The following DRC7 variants were observed in gnomAD, a reference collection of about 807,000 sequenced individuals.
DRC7 encodes coiled-coil domain containing 135.
Under a neutral mutation model 104.4 loss-of-function variants are expected in DRC7, and 80 were observed. The ratio of observed to expected loss-of-function variants is 0.77; its 90% CI spans 0.64 to 0.92. The LOEUF is 0.92. Among genes scored for constraint, DRC7 ranks in the 40% least tolerant of loss-of-function variants. The pLI, the probability that DRC7 is intolerant of heterozygous loss-of-function variation, is 0.00. For synonymous variants in DRC7, 405 were observed against 447.3 expected (o/e 0.91, Z 1.19); for missense variants, 1,034 against 1,141.1 (o/e 0.91, Z 1.35).
intron 7 of DRC7, 25 bp from the exon 8 acceptor site, chr16:57,707,435 G>T: frequency 6.3e-7 from 1 of 1,599,968 alleles, no homozygotes; most frequent in South Asian, 1.1e-5. Context: ...CATCTGACTC[G>T]TAGTCACCCA....
At chr16:57,728,310 T>G (rs1365422905) in intron 16 of DRC7, 80 bp from the exon 17 acceptor site, 1 of 1,374,938 alleles carries the variant, frequency 7.3e-7, no homozygotes, top group Non-Finnish European at 9.8e-7. Context: ...GGCTTTGTGC[T>G]GGCACACTGC....
intron 4 of DRC7, 124 bp from the exon 5 acceptor site, chr16:57,700,021 G>A (rs2048639979): frequency 2.7e-6 from 3 of 1,122,574 alleles, no homozygotes; most frequent in African/African-American, 1.5e-5. Flanking sequence ...CAGGTCATGT[G>A]GGCCTGGCCT....
chr16:57,730,928 C>T lies in DRC7; in HGVS notation c.2392-3C>T. 1 of 1,612,952 alleles carries T rather than the reference C, an allele frequency of 6.2e-7. No individual in the cohort carries two copies. Among genetic ancestry groups the T allele is most frequent in the Non-Finnish European group, 8.5e-7 (1 of 1,179,738 alleles). ...TCCTTCTCTGTCTGCCCTATGACCA[C>T]AGGAGACCCAGGAGCTGCAAAAGAA... On this transcript the variant is annotated splice_polypyrimidine_tract_variant and splice_region_variant and intron_variant, in intron 17 of 18. Transcript: ENST00000360716.
intron 7 of DRC7, among the ~76,000 whole-genome samples, chr16:57,705,568 C>A (rs1256453647): frequency 6.7e-6 from 1 of 148,558 alleles, no homozygotes; most frequent in Non-Finnish European, 1.5e-5. Context: ...TCCCACCCAC[C>A]TCCCATCCAT....
At chr16:57,706,720 T>TC (rs1323364024) in intron 7 of DRC7, among the ~76,000 whole-genome samples, 1 of 109,002 alleles carries the variant, frequency 9.2e-6, no homozygotes, top group Non-Finnish European at 2.0e-5. Context: ...CTCCCATCCG[T>TC]CCATCCTCCC....
chr16:57,700,926 T>G (rs2148732101), intron 5 of DRC7, among the ~76,000 whole-genome samples: 1 of 152,310 alleles, frequency 6.6e-6, no homozygotes, highest in Admixed American at 6.5e-5. Context: ...AGCATTTTAT[T>G]GCAACCCACA....
At position 57,730,952 on chromosome 16, in the gene DRC7, A is replaced by C. The variant is rs190225489; in HGVS notation, c.2413A>C (p.Lys805Gln). ...ACAGGAGACCCAGGAGCTGCAAAAG[A>C]AGCAGCAGTGGTACCAGGAGAACCA... ...FEKETQELQK[K>Q]QQWYQENQVT... The change falls in exon 18 of 19, where the codon AAG (lysine) becomes CAG (glutamine). Residue 805 changes from lysine to glutamine, a missense_variant. Transcript: ENST00000360716. 4.2e-4 allele frequency: 683 copies of C among 1,613,434 alleles called. 5 individuals are homozygous for C. In the South Asian group the frequency reaches 5.2e-3, roughly 12 times the overall value.
At chr16:57,715,236 G>C (rs918444703) in intron 8 of DRC7, among the ~76,000 whole-genome samples, 1 of 152,116 alleles carries the variant, frequency 6.6e-6, no homozygotes, top group Non-Finnish European at 1.5e-5. Flanking sequence ...TTTTAGTAGA[G>C]ACAGGGTTTC....
In DRC7 at chr16:57,702,139, G is replaced by A. The variant is rs372050870; in HGVS notation, c.699+9G>A. The stretch of plus-strand genomic sequence containing the variant: ...CTGTGAAGCCCAAGGAGGTATGGTC[G>A]GGCTTGAGCTGCCCGGGTTTCCCAA... On this transcript the variant is annotated intron_variant, in intron 6 of 18. Coordinates refer to ENST00000360716, the MANE Select transcript of DRC7 (RefSeq NM_001289162.2). 9.4e-5 allele frequency: 151 copies of A among 1,613,056 alleles called. 1 individual carries two copies. Among genetic ancestry groups the A allele is most frequent in the Non-Finnish European group, 1.0e-4 (118 of 1,179,492 alleles).
At chr16:57,722,864 T>C (rs1378968541) in intron 11 of DRC7, 23 bp downstream of exon 11, 3 of 1,613,464 alleles carry the variant, frequency 1.9e-6, no homozygotes, top group Non-Finnish European at 1.7e-6. Context: ...GCTCTGGACA[T>C]GGGTCCAGGC....
intron 1 of DRC7, among the ~76,000 whole-genome samples, chr16:57,695,369 G>A (rs895549039): frequency 6.6e-6 from 1 of 152,082 alleles, no homozygotes; most frequent in African/African-American, 2.4e-5. Context: ...CTTAAGCAGT[G>A]CACTTAACTT....
At chr16:57,705,699 C>T (rs1262317204) in intron 7 of DRC7, among the ~76,000 whole-genome samples, 3 of 146,074 alleles carry the variant, frequency 2.1e-5, no homozygotes, top group African/African-American at 7.6e-5. Flanking sequence ...TCCCATTTAT[C>T]CTCCCATCCA....
chr16:57,731,088 G>A lies in DRC7; in HGVS notation c.2531+18G>A. 2 of 1,613,744 alleles carry A rather than the reference G, an allele frequency of 1.2e-6. No individual in the cohort carries two copies. The highest frequency in any genetic ancestry group is 1.7e-6 in the Non-Finnish European group (2 of 1,179,966). On this transcript the variant is annotated intron_variant, in intron 18 of 18. Coordinates refer to ENST00000360716, the MANE Select transcript of DRC7 (RefSeq NM_001289162.2). ...CTCAATCGGTGAGCAGGCAGGGCAG[G>A]TGGAGAGAACCCACTGGGAGGCTGG...
intron 6 of DRC7, among the ~76,000 whole-genome samples, chr16:57,703,242 T>C (rs2048678749): frequency 6.8e-6 from 1 of 146,618 alleles, no homozygotes; most frequent in African/African-American, 2.5e-5. Context: ...AACTGTTCAG[T>C]GGCTGGTGGC....
chr16:57,728,936 G>A (rs1282010989), intron 17 of DRC7, among the ~76,000 whole-genome samples: 11 of 151,940 alleles, frequency 7.2e-5, no homozygotes, highest in African/African-American at 2.7e-4. Context: ...ATGAACAGAT[G>A]GGTGGGTGGA....
In DRC7 at chr16:57,726,791, A is replaced by T. The variant is rs199958933; in HGVS notation, c.1975-41A>T. 1.0e-5 allele frequency: 14 copies of T among 1,356,182 alleles called. No individual in the cohort carries two copies. In the East Asian group the frequency reaches 2.6e-4, roughly 25 times the overall value. 84.0% of individuals were successfully genotyped at this position (1,356,182 alleles called of 1,614,324 possible). ...ACCCAGGTGGTCCTATGCCCCGATC[A>T]TGGCAGCCTCTCTGTGTTACTAAGG... is the stretch of plus-strand genomic sequence containing the variant. On this transcript the variant is annotated intron_variant, in intron 14 of 18. Coordinates refer to ENST00000360716, the MANE Select transcript of DRC7 (RefSeq NM_001289162.2).
At chr16:57,706,720 TC>T (rs1323364024) in intron 7 of DRC7, among the ~76,000 whole-genome samples, 1 of 108,932 alleles carries the variant, frequency 9.2e-6, no homozygotes, top group Non-Finnish European at 2.0e-5. Flanking sequence ...CTCCCATCCG[TC>T]CATCCTCCCA....
chr16:57,715,019 T>C, intron 8 of DRC7: 1 of 263,356 alleles, frequency 3.8e-6, no homozygotes, highest in Non-Finnish European at 7.5e-6. Flanking sequence ...TGGGAGACAA[T>C]GTTGATTTCT....
rs1311916403 is a variant in DRC7 at position 57,706,995 on chromosome 16, A to G, written c.859-465A>G. On this transcript the variant is annotated intron_variant, in intron 7 of 18. Transcript: ENST00000360716. ...ACTCCACACTCCTATCCTTCCTCCAATCCTCTTTCCCCACTCCCTTCTTTC... is the reference window on the plus strand; with the variant it reads ...ACTCCACACTCCTATCCTTCCTCCAGTCCTCTTTCCCCACTCCCTTCTTTC... Among the ~76,000 whole-genome samples the G allele has an allele frequency of 2.0e-5, 3 of 151,732 alleles. No individual in the cohort carries two copies. The East Asian group carries it at 5.8e-4, about 29-fold the overall frequency.
Sources: gnomAD v4.1 joint callset for allele counts (sites outside exome capture counted in the v4.1 genomes callset) on GRCh38, gnomAD v4.1.1 for gene constraint, MANE v1.5 for transcripts, NCBI Gene and HGNC (gene_info 2026-07-23, HGNC 2026-07-21) for gene names.